The following RAB8A variants were observed in gnomAD, a reference collection of about 807,000 sequenced individuals.
RAB8A encodes the protein ras-related protein Rab-8A.
In RAB8A, 5 loss-of-function variants were observed where a neutral mutation model predicts 29.2. That is an observed-to-expected ratio of 0.17 (90% CI 0.09 to 0.36). The LOEUF (loss-of-function observed/expected upper bound fraction) is 0.36. Ranked by LOEUF, RAB8A falls within the 10% of genes least tolerant of loss-of-function variation. The pLI is 1.00. For missense variants in RAB8A, 171 were observed against 272.2 expected (o/e 0.63, Z 2.62); for synonymous variants, 108 against 99.9 (o/e 1.08, Z -0.49).
rs2090927182 is a variant in RAB8A, at chr19:16,132,073, G to GT, written c.532-137dup. 1.5e-6 allele frequency: 1 copy of GT among 673,740 alleles called. No homozygotes were observed. The highest frequency in any genetic ancestry group is 2.6e-6 in the Non-Finnish European group (1 of 382,056). The allele number at this position is 673,740 out of a possible 1,614,324, so 41.7% of individuals were successfully genotyped here. On this transcript the variant is annotated intron_variant, in intron 7 of 7. Transcript: ENST00000300935. The surrounding 1 kb of genome is among the most constrained non-coding windows in gnomAD (Gnocchi z 5.6). The stretch of plus-strand genomic sequence containing the variant: ...TGGTTTGGCTGGTTTGATTGGTTTG[G>GT]TTGTTTGGTTGGTTGGTTGGTTGGT...
Position 16,121,776 on chromosome 19 carries a change from G to A in RAB8A, c.212G>A (p.Arg71Gln), listed in dbSNP as rs747042137. Residue 71 changes from arginine to glutamine, a missense_variant, in exon 3 of 8, where the codon CGG becomes CAG. Around this residue, in one of 3 missense-constraint regions of RAB8A, gnomAD observed 145 missense variants for 212.8 expected, o/e 0.68. Coordinates refer to ENST00000300935, the MANE Select transcript of RAB8A (RefSeq NM_005370.5). ...IWDTAGQERF[R>Q]TITTAYYRGA... ...GACACAGCCGGTCAGGAACGGTTTC[G>A]GACGATCACAACGGCCTACTACAGG... 4 of 1,613,994 alleles carry A rather than the reference G, an allele frequency of 2.5e-6. No individual in the cohort carries two copies. Among genetic ancestry groups the A allele is most frequent in the South Asian group, 1.1e-5 (1 of 91,068 alleles).
intron 1 of RAB8A, among the ~76,000 whole-genome samples, chr19:16,113,030 A>G: frequency 6.6e-6 from 1 of 152,226 alleles, no homozygotes; most frequent in East Asian, 1.9e-4. Context: ...GTCACTTTAG[A>G]ACAGCTTTTC....
rs2090878081 is a variant in RAB8A at position 16,122,144 on chromosome 19, G to A, written c.246+334G>A. The stretch of plus-strand genomic sequence containing the variant: ...CCCCGACTTTTAGGAGCTGTCACAT[G>A]ACCTGCATCTGTCTCTGAAATTTGC... On this transcript the variant is annotated intron_variant, in intron 3 of 7. Coordinates refer to ENST00000300935, the MANE Select transcript of RAB8A (RefSeq NM_005370.5). The surrounding 1 kb of genome is among the most constrained non-coding windows in gnomAD (Gnocchi z 4.7). 8.3e-6 allele frequency: 2 copies of A among 240,832 alleles called. No homozygotes were observed. Among genetic ancestry groups the A allele is most frequent in the South Asian group, 2.0e-4 (2 of 9,798 alleles). The allele number at this position is 240,832 out of a possible 1,614,324, so 14.9% of individuals were successfully genotyped here.
At position 16,125,014 on chromosome 19, in the gene RAB8A, TGTG is replaced by T; in HGVS notation, c.247-455_247-453del. 1 of 225,600 alleles carries T rather than the reference TGTG, an allele frequency of 4.4e-6. No individual in the cohort carries two copies. Among genetic ancestry groups the T allele is most frequent in the African/African-American group, 2.2e-5 (1 of 44,850 alleles). 14.0% of individuals were successfully genotyped at this position (225,600 alleles called of 1,614,324 possible). A position where few individuals can be genotyped will look rare whatever the true frequency, so the allele number is the denominator to read the frequency against. On this transcript the variant is annotated intron_variant, in intron 3 of 7. Transcript: ENST00000300935. The surrounding 1 kb of genome is among the most constrained non-coding windows in gnomAD (Gnocchi z 5.0). ...CGGGTCAGGACTTCCTGGGCTCAGT[TGTG>T]CCTGGTAGGTGGCTCAGGCAGAGCG...
intron 6 of RAB8A, among the ~76,000 whole-genome samples, chr19:16,128,625 C>T (rs954781629): frequency 2.6e-5 from 4 of 152,304 alleles, no homozygotes; most frequent in Non-Finnish European, 2.9e-5. Context: ...TCTATGCTGA[C>T]GTGAAGACAA....
At chr19:16,123,449 A>G (rs1388373454) in intron 3 of RAB8A, among the ~76,000 whole-genome samples, 1 of 152,144 alleles carries the variant, frequency 6.6e-6, no homozygotes, top group East Asian at 1.9e-4. Flanking sequence ...TCTACTAAAA[A>G]TACAAAAATT....
intron 2 of RAB8A, 40 bp from the exon 3 acceptor site, chr19:16,121,710 T>G (rs2090876107): frequency 6.3e-7 from 1 of 1,585,322 alleles, no homozygotes. Flanking sequence ...GACAGTTATT[T>G]TCCTTTAATG....
chr19:16,124,857 T>G (rs2090891871), intron 3 of RAB8A: 1 of 161,246 alleles, frequency 6.2e-6, no homozygotes, highest in African/African-American at 2.4e-5. Context: ...CCGAAGCTCT[T>G]CCAGGACCCA....
At chr19:16,121,337 A>C (rs1212421252) in intron 2 of RAB8A, among the ~76,000 whole-genome samples, 1 of 152,170 alleles carries the variant, frequency 6.6e-6, no homozygotes, top group Non-Finnish European at 1.5e-5. Context: ...GTTCCTTGTC[A>C]TGCAGATGAG....
At chr19:16,121,597 T>C (rs1413952643) in intron 2 of RAB8A, among the ~76,000 whole-genome samples, 153 bp from the exon 3 acceptor site, 1 of 152,060 alleles carries the variant, frequency 6.6e-6, no homozygotes, top group African/African-American at 2.4e-5. Flanking sequence ...CCTGTAATAA[T>C]AGGGAGATTA....
At chr19:16,130,561 G>A (rs1466950244) in intron 7 of RAB8A, among the ~76,000 whole-genome samples, 1 of 152,180 alleles carries the variant, frequency 6.6e-6, no homozygotes, top group Non-Finnish European at 1.5e-5. Flanking sequence ...CCAGTGCACT[G>A]ACCAACAATA....
At chr19:16,119,616 A>G (rs2090864337) in intron 2 of RAB8A, among the ~76,000 whole-genome samples, 1 of 152,020 alleles carries the variant, frequency 6.6e-6, no homozygotes, top group Admixed American at 6.5e-5. Flanking sequence ...GTTCCAAGCC[A>G]TGGAAGTTTC....
Position 16,122,036 on chromosome 19 carries a change from T to G in RAB8A, c.246+226T>G. 4.3e-6 allele frequency: 2 copies of G among 464,102 alleles called. No individual in the cohort carries two copies. Among genetic ancestry groups the G allele is most frequent in the Non-Finnish European group, 3.9e-6 (1 of 255,148 alleles). 28.7% of individuals were successfully genotyped at this position (464,102 alleles called of 1,614,324 possible). ...GAGACAATGCAAGGTTTAAATAAAG[T>G]GGAAACATAATTCTTTGGGAATGAA... On this transcript the variant is annotated intron_variant, in intron 3 of 7. Transcript: ENST00000300935. This position sits in a 1 kb window ranked among gnomAD's most constrained non-coding sequence, Gnocchi z 4.7.
chr19:16,124,070 G>C, intron 3 of RAB8A: 1 of 152,102 alleles, frequency 6.6e-6, no homozygotes, highest in East Asian at 1.9e-4. Flanking sequence ...GTGAAGGCAG[G>C]AATCCTGGGC....
intron 3 of RAB8A, among the ~76,000 whole-genome samples, chr19:16,123,170 A>C (rs1456629999): frequency 6.6e-6 from 1 of 152,230 alleles, no homozygotes; most frequent in Non-Finnish European, 1.5e-5. Context: ...GTAAATGGCT[A>C]GGCTGGGCTG....
intron 6 of RAB8A, among the ~76,000 whole-genome samples, chr19:16,129,168 C>T (rs1418918868): frequency 1.3e-5 from 2 of 152,228 alleles, no homozygotes; most frequent in Non-Finnish European, 2.9e-5. Flanking sequence ...CTAGATCCTT[C>T]TGGATTGGTC....
chr19:16,118,430 G>A, intron 2 of RAB8A, 144 bp downstream of exon 2: 2 of 726,370 alleles, frequency 2.8e-6, no homozygotes, highest in Non-Finnish European at 4.6e-6. Flanking sequence ...TTCTCCAGAA[G>A]CTCCTGGAGG....
Position 16,118,393 on chromosome 19 carries a change from T to C in RAB8A, c.185+107T>C, listed in dbSNP as rs2090856608. ...CCCTGTGACCTTGGCCTCCATTTCT[T>C]GGTGCCCAGTCCTGGCACATGGGGC... On this transcript the variant is annotated intron_variant, in intron 2 of 7. Transcript: ENST00000300935. 2.9e-6 allele frequency: 3 copies of C among 1,019,964 alleles called. No individual in the cohort carries two copies. In the Admixed American group the frequency reaches 6.2e-5, roughly 21 times the overall value. 63.2% of individuals were successfully genotyped at this position (1,019,964 alleles called of 1,614,324 possible).
chr19:16,129,418 C>A, intron 6 of RAB8A, 136 bp from the exon 7 acceptor site: 1 of 791,836 alleles, frequency 1.3e-6, no homozygotes, highest in Non-Finnish European at 2.2e-6. Flanking sequence ...GATGAACCCA[C>A]TGCCAGAGGC....
Sources: allele counts gnomAD v4.1 joint callset (sites outside exome capture counted in the v4.1 genomes callset), GRCh38; gene constraint gnomAD v4.1.1; regional missense constraint gnomAD v4.1.1; non-coding constraint Gnocchi (gnomAD v3.1); transcripts MANE v1.5; gene names NCBI Gene and HGNC (gene_info 2026-07-23, HGNC 2026-07-21).